Variants in FOXK2 observed in about 807,000 individuals in gnomAD.
FOXK2 encodes the protein forkhead box protein K2.
FOXK2 carries 24 observed loss-of-function variants against 53.3 expected under a neutral mutation model. The ratio of observed to expected loss-of-function variants is 0.45; its 90% CI spans 0.33 to 0.63. The LOEUF is 0.63. Ranked by LOEUF, FOXK2 falls within the 30% of genes least tolerant of loss-of-function variation. The probability of loss-of-function intolerance (pLI) is 0.03; values close to 1 mark genes in which losing one functional copy is unlikely to be tolerated. For missense variants in FOXK2, 952 were observed against 910.5 expected, an observed-to-expected ratio of 1.05 and a Z score of -0.59; for synonymous variants, 505 against 407.1, an observed-to-expected ratio of 1.24 and a Z score of -2.89.
intron 1 of FOXK2, among the ~76,000 whole-genome samples, chr17:82,550,347 T>C (rs774307258): frequency 3.9e-5 from 6 of 152,156 alleles, no homozygotes; most frequent in Non-Finnish European, 8.8e-5. Flanking sequence ...CCAGGGACAT[T>C]GGACAGTTGT....
intron 4 of FOXK2, among the ~76,000 whole-genome samples, chr17:82,572,769 TC>T (rs2044932917): frequency 6.6e-6 from 1 of 152,264 alleles, no homozygotes; most frequent in South Asian, 2.1e-4. Flanking sequence ...GAGTAAATGA[TC>T]CTTTAAAAAA....
At chr17:82,551,033 A>G (rs1279511486) in intron 1 of FOXK2, among the ~76,000 whole-genome samples, 1 of 152,058 alleles carries the variant, frequency 6.6e-6, no homozygotes, top group Non-Finnish European at 1.5e-5. Context: ...ATTTGTGCTG[A>G]AAGGCCGGAA....
chr17:82,586,161 G>C lies in FOXK2; in HGVS notation c.1537G>C (p.Ala513Pro), dbSNP rs1324651874. 2 of 1,612,298 alleles carry C rather than the reference G, an allele frequency of 1.2e-6. No individual in the cohort carries two copies. The highest frequency in any genetic ancestry group is 2.7e-5 in the African/African-American group (2 of 74,862). ...GGCAGCCGTGCTGGCCCCTCCTAAGGCAGAGGCCCAGGAGAATGGAGACCA... is the reference window on the plus strand; with the variant it reads ...GGCAGCCGTGCTGGCCCCTCCTAAGCCAGAGGCCCAGGAGAATGGAGACCA... ...TPAAVLAPPK[A>P]EAQENGDHRE... The change falls in exon 7 of 9, where the codon GCA (alanine) becomes CCA (proline). Residue 513 changes from alanine (A) to proline (P), a missense_variant. By Grantham distance (27) the Ala-to-Pro change is conservative. Coordinates refer to ENST00000335255, the MANE Select transcript of FOXK2 (RefSeq NM_004514.4).
intron 1 of FOXK2, among the ~76,000 whole-genome samples, chr17:82,557,640 C>T (rs578145133): frequency 4.0e-4 from 61 of 151,944 alleles, no homozygotes; most frequent in South Asian, 8.3e-4. Flanking sequence ...CCACTGTGTC[C>T]GGCCTCTGCC....
intron 1 of FOXK2, among the ~76,000 whole-genome samples, chr17:82,542,815 G>A (rs947412364): frequency 2.6e-5 from 4 of 152,024 alleles, no homozygotes; most frequent in Admixed American, 6.6e-5. Flanking sequence ...ACAGGAGTTC[G>A]AGACCAGTCT....
chr17:82,556,450 A>AG (rs1212420943), intron 1 of FOXK2, among the ~76,000 whole-genome samples: 1 of 151,994 alleles, frequency 6.6e-6, no homozygotes, highest in African/African-American at 2.4e-5. Context: ...TCTAAAAAAA[A>AG]AAAAAGCAAG....
intron 4 of FOXK2, 92 bp downstream of exon 4, chr17:82,571,962 G>A (rs2044923314): frequency 7.7e-7 from 1 of 1,298,920 alleles, no homozygotes; most frequent in African/African-American, 1.5e-5. Context: ...CACAGGATAG[G>A]AAGGTAGAAG....
chr17:82,583,471 C>T (rs1011803044), intron 5 of FOXK2, among the ~76,000 whole-genome samples: 2 of 152,176 alleles, frequency 1.3e-5, no homozygotes, highest in African/African-American at 2.4e-5. Flanking sequence ...CGCTTGAACC[C>T]GGAAAGGCAG....
At chr17:82,539,725 G>A (rs183593489) in intron 1 of FOXK2, among the ~76,000 whole-genome samples, 184 of 152,210 alleles carry the variant, frequency 1.2e-3, no homozygotes, top group African/African-American at 4.3e-3. Context: ...AACACTTTGG[G>A]AGGCTGAGGT....
chr17:82,591,420 C>T (rs182548374), intron 8 of FOXK2, among the ~76,000 whole-genome samples: 2 of 152,222 alleles, frequency 1.3e-5, no homozygotes, highest in Admixed American at 1.3e-4. Context: ...CTCCAGGGCC[C>T]CAAACCCTGT....
Position 82,586,115 on chromosome 17 carries a change from T to C in FOXK2, c.1491T>C (p.Ser497=), listed in dbSNP as rs914090769. 2 of 1,612,474 alleles carry C rather than the reference T, an allele frequency of 1.2e-6. No individual in the cohort carries two copies. The highest frequency in any genetic ancestry group is 2.7e-5 in the African/African-American group (2 of 74,868). ...CCCCAGCGAACACGTACACTGTCTC[T>C]GGACAAGCTGTGGTCACCCCGGCAG... The part of the protein sequence containing the change: ...GLAPANTYTV[S]GQAVVTPAAV... The change falls in exon 7 of 9, where the codon TCT becomes TCC. Residue 497 remains serine, a synonymous_variant. Coordinates refer to ENST00000335255, the MANE Select transcript of FOXK2 (RefSeq NM_004514.4).
In FOXK2 at chr17:82,601,479, GA is replaced by G. The variant is rs1265572175; in HGVS notation, c.1967del (p.Lys656ArgfsTer45). 3.1e-6 allele frequency: 5 copies of G among 1,608,340 alleles called. No individual in the cohort carries two copies. The highest frequency in any genetic ancestry group is 8.5e-7 in the Non-Finnish European group (1 of 1,176,948). ...GGACACGCCACCGGCAGCCGTAAGG[GA>G]AAAGGGTGTCCAGAACTAGCGACCG... is the stretch of plus-strand genomic sequence containing the variant. Reference protein sequence around the residue: ...SVDTPPAAVREKGVQN With the variant: ...SVDTPPAAVRXKGVQN On this transcript the variant is annotated frameshift_variant, in exon 9 of 9. Coordinates refer to ENST00000335255, the MANE Select transcript of FOXK2 (RefSeq NM_004514.4). LOFTEE classifies it high-confidence loss of function.
chr17:82,561,889 CAG>C lies in FOXK2; in HGVS notation c.420-1462_420-1461del, dbSNP rs201130257. On this transcript the variant is annotated intron_variant, in intron 1 of 8. Coordinates refer to ENST00000335255, the MANE Select transcript of FOXK2 (RefSeq NM_004514.4). The stretch of plus-strand genomic sequence containing the variant: ...GGTGCCCCTAGGGCAGGGTGGTGGA[CAG>C]AGTCTTCCTCTGTTGGGGGGGGGGG... Among the ~76,000 whole-genome samples, 1,201 of 128,420 alleles carry C rather than the reference CAG, an allele frequency of 9.4e-3. 11 individuals carry two copies. Among genetic ancestry groups the C allele is most frequent in the Non-Finnish European group, 0.011 (641 of 60,740 alleles). 84.2% of individuals were successfully genotyped at this position (128,420 alleles called of 152,430 possible). A position where few individuals can be genotyped will look rare whatever the true frequency, so the allele number is the denominator to read the frequency against.
At chr17:82,586,571 G>A (rs549102540) in intron 7 of FOXK2, among the ~76,000 whole-genome samples, 8 of 150,494 alleles carry the variant, frequency 5.3e-5, no homozygotes, top group Non-Finnish European at 8.9e-5. Flanking sequence ...AGGAGAGGCT[G>A]CCCCATCAGC....
intron 8 of FOXK2, chr17:82,599,173 C>T (rs1358843062): frequency 6.7e-6 from 1 of 149,914 alleles, no homozygotes; most frequent in Non-Finnish European, 1.5e-5. Flanking sequence ...TCTCAGTTCA[C>T]TGCAGCCTCC....
chr17:82,571,892 T>TTA (rs767035908), intron 4 of FOXK2, 22 bp downstream of exon 4: 1 of 1,531,850 alleles, frequency 6.5e-7, no homozygotes, highest in East Asian at 2.5e-5. Flanking sequence ...CAGTTTGTTG[T>TTA]TAAATAGAGG....
intron 1 of FOXK2, among the ~76,000 whole-genome samples, chr17:82,548,760 C>T (rs184637740): frequency 5.9e-5 from 9 of 152,326 alleles, no homozygotes; most frequent in African/African-American, 1.2e-4. Flanking sequence ...CAGCCTCTCC[C>T]GTGACCTCAC....
Position 82,555,885 on chromosome 17 carries a change from CAAAAAAAAAAA to C in FOXK2, c.420-7448_420-7438del, listed in dbSNP as rs71168116. On this transcript the variant is annotated intron_variant, in intron 1 of 8. Transcript: ENST00000335255. ...CCTGGGCGAAAGCAAGACTCTATCA[CAAAAAAAAAAA>C]AAAAAAAAAAAAAAAAAAAAGAAAT... Among the ~76,000 whole-genome samples, 647 of 74,270 alleles carry C rather than the reference CAAAAAAAAAAA, an allele frequency of 8.7e-3. 5 individuals are homozygous for C. Among genetic ancestry groups the C allele is most frequent in the African/African-American group, 0.023 (423 of 18,706 alleles). The allele number at this position is 74,270 out of a possible 152,430, so 48.7% of individuals were successfully genotyped here. A position where few individuals can be genotyped will look rare whatever the true frequency, so the allele number is the denominator to read the frequency against.
At chr17:82,546,270 C>T (rs529607764) in intron 1 of FOXK2, among the ~76,000 whole-genome samples, 4 of 151,918 alleles carry the variant, frequency 2.6e-5, no homozygotes, top group East Asian at 3.9e-4. Flanking sequence ...GTGCCTGCCA[C>T]CACTCCCGCC....
Sources: gnomAD v4.1 joint callset for allele counts (sites outside exome capture counted in the v4.1 genomes callset) on GRCh38, gnomAD v4.1.1 for gene constraint, MANE v1.5 for transcripts, NCBI Gene and HGNC (gene_info 2026-07-23, HGNC 2026-07-21) for gene names.